ZC3H12B: variants seen among roughly 807,000 people sequenced by gnomAD.
ZC3H12B encodes zinc finger CCCH-type containing 12B.
ZC3H12B carries 7 observed loss-of-function variants against 43.9 expected under a neutral mutation model. That is an observed-to-expected ratio of 0.16 (90% confidence interval 0.09 to 0.30). The LOEUF is 0.30. ZC3H12B is among the 10% of genes least tolerant of loss of function. The probability of loss-of-function intolerance (pLI) is 1.00; values close to 1 mark genes in which losing one functional copy is unlikely to be tolerated. For missense variants in ZC3H12B, 475 were observed against 670.2 expected, an observed-to-expected ratio of 0.71 and a Z score of 3.22; for synonymous variants, 222 against 241.7, an observed-to-expected ratio of 0.92 and a Z score of 0.76.
chrX:65,179,406 TAA>T, the ZC3H12B span, among the ~76,000 whole-genome samples: 267 of 100,366 alleles, frequency 2.7e-3, 3 homozygotes, highest in African/African-American at 9.3e-3. Context: ...TAAAGTTATT[TAA>T]AAAAAAAAAA....
intron 3 of ZC3H12B, among the ~76,000 whole-genome samples, chrX:65,446,138 G>C (rs1188152509): frequency 8.9e-6 from 1 of 111,996 alleles, no homozygotes; most frequent in African/African-American, 3.2e-5. Context: ...GTCTAGCAAT[G>C]TCATGTGGGA....
chrX:65,415,887 G>A (rs939954764), intron 3 of ZC3H12B, among the ~76,000 whole-genome samples: 1 of 111,835 alleles, frequency 8.9e-6, no homozygotes, highest in Non-Finnish European at 1.9e-5. Flanking sequence ...TCTTTAGATC[G>A]CTTGAGATTC....
the ZC3H12B span, among the ~76,000 whole-genome samples, chrX:65,337,462 T>C: frequency 8.9e-6 from 1 of 112,515 alleles, no homozygotes; most frequent in Non-Finnish European, 1.9e-5. Flanking sequence ...GTGGTAGATA[T>C]AGCTAATAAT....
the ZC3H12B span, among the ~76,000 whole-genome samples, chrX:65,171,419 G>A: frequency 3.6e-5 from 4 of 110,684 alleles, no homozygotes; most frequent in Non-Finnish European, 7.6e-5. Flanking sequence ...TCTCAGAGGT[G>A]CACCCAGCTG....
the ZC3H12B span, among the ~76,000 whole-genome samples, chrX:65,197,236 A>G: frequency 8.9e-6 from 1 of 111,970 alleles, no homozygotes; most frequent in Non-Finnish European, 1.9e-5. Flanking sequence ...AGCACAGGCA[A>G]AAAATGGCAC....
the ZC3H12B span, among the ~76,000 whole-genome samples, chrX:65,212,353 T>A: frequency 3.6e-5 from 1 of 27,567 alleles, no homozygotes; most frequent in Non-Finnish European, 5.8e-5. Flanking sequence ...ATAAATATAA[T>A]TATTATATTT....
exon 1 of ZC3H12B, chrX:65,489,256 G>A: frequency 1.7e-6 from 2 of 1,211,646 alleles, no homozygotes; most frequent in South Asian, 1.8e-5. Context: ...GGGAACAAAG[G>A]TGATTCAGAA....
At chrX:65,283,169 A>G in the ZC3H12B span, among the ~76,000 whole-genome samples, 2 of 111,590 alleles carry the variant, frequency 1.8e-5, no homozygotes, top group South Asian at 7.8e-4. Context: ...CTGGTTCAAC[A>G]TATGAAAATC....
intron 2 of ZC3H12B, among the ~76,000 whole-genome samples, chrX:65,385,372 G>T (rs778477273): frequency 2.1e-4 from 24 of 111,650 alleles, no homozygotes; most frequent in Admixed American, 7.6e-4. Context: ...CACATCCCTT[G>T]TAACTTGGAT....
At chrX:65,331,195 C>G in the ZC3H12B span, 6 of 154,874 alleles carry the variant, frequency 3.9e-5, no homozygotes, top group African/African-American at 1.9e-4. Context: ...CTCACCCACC[C>G]TCCTGGAGTT....
At chrX:65,168,350 A>C in the ZC3H12B span, among the ~76,000 whole-genome samples, 2 of 111,325 alleles carry the variant, frequency 1.8e-5, no homozygotes, top group Non-Finnish European at 3.8e-5. Flanking sequence ...ATTGATTTGC[A>C]TATGTTGAAC....
chrX:65,103,673 C>A, the ZC3H12B span, among the ~76,000 whole-genome samples: 1 of 111,645 alleles, frequency 9.0e-6, no homozygotes, highest in African/African-American at 3.3e-5. Flanking sequence ...GATAAATGTC[C>A]ATGAAATCTT....
chrX:65,481,741 C>G (rs1237181316), intron 3 of ZC3H12B, among the ~76,000 whole-genome samples: 1 of 112,174 alleles, frequency 8.9e-6, no homozygotes, highest in Non-Finnish European at 1.9e-5. Context: ...ACTCCTGCAG[C>G]TGAGATAAAA....
chrX:65,506,756 C>T (rs1224741508), exon 5 of ZC3H12B: 1 of 110,408 alleles, frequency 9.1e-6, no homozygotes, highest in African/African-American at 3.3e-5. Flanking sequence ...AGTGTGACCC[C>T]GGAGTGGCAT....
the ZC3H12B span, among the ~76,000 whole-genome samples, chrX:65,127,958 C>T: frequency 4.5e-5 from 5 of 111,740 alleles, no homozygotes; most frequent in Admixed American, 9.5e-5. Context: ...CGAGCCTCCT[C>T]GTTGAAAAAG....
chrX:65,449,626 T>G (rs1171964947), intron 3 of ZC3H12B, among the ~76,000 whole-genome samples: 1 of 109,422 alleles, frequency 9.1e-6, no homozygotes, highest in East Asian at 2.9e-4. Flanking sequence ...CTCAAAAGAA[T>G]TAAAAAAAAA....
At chrX:65,366,749 G>A (rs766032771) in exon 1 of ZC3H12B, 1 of 111,953 alleles carries the variant, frequency 8.9e-6, no homozygotes, top group East Asian at 2.8e-4. Flanking sequence ...CCTTCATCCT[G>A]GTTACACAGG....
chrX:65,246,518 A>C, the ZC3H12B span, among the ~76,000 whole-genome samples: 2 of 111,968 alleles, frequency 1.8e-5, no homozygotes, highest in Non-Finnish European at 1.9e-5. Context: ...CTATACTACA[A>C]TGCTACAGCA....
At chrX:65,261,013 C>A in the ZC3H12B span, among the ~76,000 whole-genome samples, 11 of 111,845 alleles carry the variant, frequency 9.8e-5, no homozygotes, top group African/African-American at 3.2e-4. Context: ...TATTTTCTTT[C>A]TCTGCTTTTC....
Sources: allele counts gnomAD v4.1 joint callset (sites outside exome capture counted in the v4.1 genomes callset), GRCh38; gene constraint gnomAD v4.1.1; transcripts MANE v1.5; gene names NCBI Gene and HGNC (gene_info 2026-07-23, HGNC 2026-07-21).